The following ENTPD4 variants were observed in gnomAD, a reference collection of about 807,000 sequenced individuals.
ENTPD4 encodes the protein Golgi UDPase.
ENTPD4 carries 60 observed loss-of-function variants against 79.1 expected under a neutral mutation model. That is an observed-to-expected ratio of 0.76 (90% CI 0.62 to 0.94). ENTPD4 has a LOEUF of 0.94. Ranked by LOEUF, ENTPD4 falls within the 40% of genes least tolerant of loss-of-function variation. The pLI is 0.00. For missense variants in ENTPD4, 772 were observed against 775.1 expected (o/e 1.00, Z 0.05); for synonymous variants, 276 against 292.0 (o/e 0.95, Z 0.56).
Position 23,430,722 on chromosome 8 carries a change from GTCCCCTAAC to G in ENTPD4, c.*2195_*2203del. ...TCTATGCCCAGAGCTGGAAGGCGGG[GTCCCCTAAC>G]TCCCTGGGTGCCCACCTGCCCACTT... On this transcript the variant is annotated 3_prime_UTR_variant, in exon 13 of 13. Transcript: ENST00000358689. The G allele has an allele frequency of 1.2e-5, 12 of 985,468 alleles. No homozygotes were observed. The highest frequency in any genetic ancestry group is 1.4e-5 in the Non-Finnish European group (12 of 829,994). 61.0% of individuals were successfully genotyped at this position (985,468 alleles called of 1,614,324 possible). A position where few individuals can be genotyped will look rare whatever the true frequency, so the allele number is the denominator to read the frequency against.
intron 9 of ENTPD4, among the ~76,000 whole-genome samples, chr8:23,439,296 C>G (rs1354855407): frequency 1.3e-5 from 2 of 152,192 alleles, no homozygotes; most frequent in Non-Finnish European, 2.9e-5. Context: ...TTCTTATCCA[C>G]TAACTAGCTG....
At position 23,442,607 on chromosome 8, in the gene ENTPD4, C is replaced by T. The variant is rs992176707; in HGVS notation, c.668-541G>A. ...CTGAGGCAGGAGAATCACTTCAACC[C>T]GGGAGGTGGAGGTTGCAGTGAGTCA... On this transcript the variant is annotated intron_variant, in intron 6 of 12. Transcript: ENST00000358689. Among the ~76,000 whole-genome samples the T allele has an allele frequency of 4.6e-5, 7 of 151,712 alleles. No homozygotes were observed. In the East Asian group the frequency reaches 7.8e-4, roughly 17 times the overall value.
At chr8:23,446,771 G>A (rs1484234621) in intron 4 of ENTPD4, among the ~76,000 whole-genome samples, 2 of 151,966 alleles carry the variant, frequency 1.3e-5, no homozygotes, top group African/African-American at 2.4e-5. Context: ...CTTCTATGAG[G>A]ATATGTATTT....
intron 9 of ENTPD4, among the ~76,000 whole-genome samples, chr8:23,437,898 G>C (rs1220822044): frequency 6.6e-6 from 1 of 152,174 alleles, no homozygotes; most frequent in African/African-American, 2.4e-5. Context: ...CAGAGGAAAA[G>C]ATTAGCAAAT....
At chr8:23,441,135 T>C (rs987029421) in intron 8 of ENTPD4, among the ~76,000 whole-genome samples, 2 of 151,946 alleles carry the variant, frequency 1.3e-5, no homozygotes, top group African/African-American at 4.8e-5. Context: ...AAACCACCAG[T>C]TGAAAGATGT....
At position 23,456,316 on chromosome 8, in the gene ENTPD4, T is replaced by G. The variant is rs969133585; in HGVS notation, c.-98+1241A>C. On this transcript the variant is annotated intron_variant, in intron 1 of 12. Coordinates refer to ENST00000358689, the MANE Select transcript of ENTPD4 (RefSeq NM_004901.5). ...CTTCCTCCGAGCCACCACCGTGTCCTCCTCTCAAGACTACACTTCTTTCAA... is the reference window on the plus strand; with the variant it reads ...CTTCCTCCGAGCCACCACCGTGTCCGCCTCTCAAGACTACACTTCTTTCAA... Among the ~76,000 whole-genome samples, 7 of 152,210 alleles carry G rather than the reference T, an allele frequency of 4.6e-5. No homozygotes were observed. In the East Asian group the frequency reaches 1.3e-3, roughly 29 times the overall value.
intron 3 of ENTPD4, 50 bp downstream of exon 3, chr8:23,448,692 G>C: frequency 2.0e-6 from 3 of 1,484,198 alleles, no homozygotes; most frequent in Non-Finnish European, 2.8e-6. Context: ...AAACAGGTAA[G>C]ACAGAAGGTA....
intron 4 of ENTPD4, among the ~76,000 whole-genome samples, chr8:23,446,323 A>G (rs1464086550): frequency 1.3e-5 from 2 of 152,226 alleles, no homozygotes; most frequent in African/African-American, 2.4e-5. Context: ...AGATCTGTTT[A>G]GTCACTGATG....
chr8:23,441,001 A>T (rs1269321249), intron 8 of ENTPD4, among the ~76,000 whole-genome samples: 4 of 152,242 alleles, frequency 2.6e-5, no homozygotes, highest in African/African-American at 7.2e-5. Flanking sequence ...GCTGAACACA[A>T]ATGGAGTAAT....
At chr8:23,451,180 C>T (rs1353905451) in intron 1 of ENTPD4, among the ~76,000 whole-genome samples, 1 of 152,086 alleles carries the variant, frequency 6.6e-6, no homozygotes, top group Non-Finnish European at 1.5e-5. Flanking sequence ...CGTCACCACT[C>T]CCAGTGAATT....
At chr8:23,455,294 A>G (rs922685907) in intron 1 of ENTPD4, among the ~76,000 whole-genome samples, 2 of 152,376 alleles carry the variant, frequency 1.3e-5, no homozygotes, top group East Asian at 3.9e-4. Context: ...TCAGCTTCTG[A>G]ATAAGCAAAG....
chr8:23,434,155 G>A (rs1585399758), intron 12 of ENTPD4, 162 bp downstream of exon 12: 3 of 823,708 alleles, frequency 3.6e-6, no homozygotes, highest in East Asian at 2.5e-5. Context: ...AGCACTTGTG[G>A]GGAGGGGGCA....
At position 23,432,998 on chromosome 8, in the gene ENTPD4, G is replaced by T; in HGVS notation, c.1779C>A (p.Pro593=). 1 of 1,613,930 alleles carries T rather than the reference G, an allele frequency of 6.2e-7. No homozygotes were observed. The highest frequency in any genetic ancestry group is 1.1e-5 in the South Asian group (1 of 91,076). Residue 593 remains proline (P), a synonymous_variant, in exon 13 of 13, where the codon CCC becomes CCA. Transcript: ENST00000358689. ...AGAGGGCGGCGGCCGAGCTGCTCCGGGGAGTGCGCCTGTGGATGCGCCGCA... is the reference window on the plus strand; with the variant it reads ...AGAGGGCGGCGGCCGAGCTGCTCCGTGGAGTGCGCCTGTGGATGCGCCGCA... ...LRLRRIHRRT[P]RSSSAAALWM... is the part of the protein sequence containing the mutation.
At chr8:23,434,652 T>C in intron 11 of ENTPD4, 174 bp from the exon 12 acceptor site, 1 of 1,434,778 alleles carries the variant, frequency 7.0e-7, no homozygotes, top group East Asian at 2.5e-5. Flanking sequence ...TTGCTTCACA[T>C]CCCTGGTCCC....
chr8:23,448,999 A>G (rs1028392573), intron 2 of ENTPD4, 60 bp from the exon 3 acceptor site: 1 of 1,352,954 alleles, frequency 7.4e-7, no homozygotes, highest in Admixed American at 1.9e-5. Flanking sequence ...TCCTTCACCT[A>G]AAGTGATCCT....
intron 1 of ENTPD4, among the ~76,000 whole-genome samples, chr8:23,451,430 A>G (rs965291406): frequency 6.6e-6 from 1 of 152,148 alleles, no homozygotes; most frequent in African/African-American, 2.4e-5. Flanking sequence ...TGCCTGCTCT[A>G]AAGAGCAGCC....
At chr8:23,450,983 C>A (rs542944998) in intron 1 of ENTPD4, among the ~76,000 whole-genome samples, 2 of 151,812 alleles carry the variant, frequency 1.3e-5, no homozygotes, top group Non-Finnish European at 2.9e-5. Flanking sequence ...TGTGATCCCT[C>A]TTCCTTCATC....
intron 5 of ENTPD4, 93 bp downstream of exon 5, chr8:23,444,363 G>C: frequency 9.4e-7 from 1 of 1,058,728 alleles, no homozygotes. Context: ...TGATGATGAT[G>C]ATGATGGAGA....
Position 23,429,285 on chromosome 8 carries a change from T to A in ENTPD4, c.*3641A>T, listed in dbSNP as rs1032896122. On this transcript the variant is annotated 3_prime_UTR_variant, in exon 13 of 13. Coordinates refer to ENST00000358689, the MANE Select transcript of ENTPD4 (RefSeq NM_004901.5). ...CCGAGAGTATTATTCTTACTTTGGA[T>A]GGAAGACATCGCTTAAACAAAAAAC... is the stretch of plus-strand genomic sequence containing the variant. The A allele has an allele frequency of 8.1e-6, 8 of 985,340 alleles. No homozygotes were observed. The African/African-American group carries it at 1.4e-4, about 17-fold the overall frequency. The allele number at this position is 985,340 out of a possible 1,614,324, so 61.0% of individuals were successfully genotyped here. A position where few individuals can be genotyped will look rare whatever the true frequency, so the allele number is the denominator to read the frequency against.
Sources: gnomAD v4.1 joint callset for allele counts (sites outside exome capture counted in the v4.1 genomes callset) on GRCh38, gnomAD v4.1.1 for gene constraint, MANE v1.5 for transcripts, NCBI Gene and HGNC (gene_info 2026-07-23, HGNC 2026-07-21) for gene names.